SCARB2: variants seen among roughly 807,000 people sequenced by gnomAD.
The protein encoded by SCARB2 is lysosome membrane protein 2.
Under a neutral mutation model 58.6 loss-of-function variants are expected in SCARB2, and 29 were observed. The ratio of observed to expected loss-of-function variants is 0.49; its 90% CI spans 0.37 to 0.67. SCARB2 has a LOEUF of 0.67. Among genes scored for constraint, SCARB2 ranks in the 30% least tolerant of loss-of-function variants. The pLI, the probability that SCARB2 is intolerant of heterozygous loss-of-function variation, is 0.00. For missense variants in SCARB2, 488 were observed against 578.5 expected (o/e 0.84, Z 1.60); for synonymous variants, 195 against 210.1 (o/e 0.93, Z 0.62).
intron 2 of SCARB2, among the ~76,000 whole-genome samples, chr4:76,183,568 C>T (rs1050854161): frequency 3.3e-5 from 5 of 151,962 alleles, no homozygotes; most frequent in Admixed American, 1.3e-4. Flanking sequence ...TCTGCAGGCT[C>T]GCTACTCTCC....
chr4:76,230,370 C>T (rs1578753968), intron 1 of SCARB2, among the ~76,000 whole-genome samples: 2 of 152,234 alleles, frequency 1.3e-5, no homozygotes, highest in East Asian at 1.9e-4. Context: ...TCTGTGCCCT[C>T]CTAACAGTGG....
At chr4:76,176,363 A>G in intron 5 of SCARB2, 74 bp downstream of exon 5, 3 of 995,024 alleles carry the variant, frequency 3.0e-6, no homozygotes, top group African/African-American at 1.6e-5. Context: ...CACATTTTTA[A>G]GCAATGTAGA....
At chr4:76,174,375 C>T in intron 6 of SCARB2, 62 bp from the exon 7 acceptor site, 1 of 1,519,874 alleles carries the variant, frequency 6.6e-7, no homozygotes, top group Non-Finnish European at 9.1e-7. Context: ...TGCCCGAAAT[C>T]CGCAAGTTAG....
Position 76,170,003 on chromosome 4 carries a change from C to G in SCARB2, c.995-18G>C. On this transcript the variant is annotated intron_variant, in intron 7 of 11. Transcript: ENST00000264896. ...GGGTGCACCTGCATTTGAAGGAAAA[C>G]AGAAATGAATGATGCTGTTTTTAAA... 1 of 1,585,226 alleles carries G rather than the reference C, an allele frequency of 6.3e-7. No homozygotes were observed. Among genetic ancestry groups the G allele is most frequent in the East Asian group, 2.2e-5 (1 of 44,608 alleles).
chr4:76,174,211 G>A lies in SCARB2; in HGVS notation c.927C>T (p.Ala309=), dbSNP rs775395230. ...AGTTTCCCTCAGGTATACAGAAGCCGGCATTGTCTGACGTATTGGCTAATA... is the reference window on the plus strand; with the variant it reads ...AGTTTCCCTCAGGTATACAGAAGCCAGCATTGTCTGACGTATTGGCTAATA... ...AEILANTSDN[A]GFCIPEGNCL... The change falls in exon 7 of 12, where the codon GCC becomes GCT. Residue 309 remains alanine (A), a synonymous_variant. Transcript: ENST00000264896. 9.3e-6 allele frequency: 15 copies of A among 1,614,044 alleles called. No homozygotes were observed. The South Asian group carries it at 9.9e-5, about 11-fold the overall frequency.
intron 1 of SCARB2, among the ~76,000 whole-genome samples, chr4:76,230,835 C>G (rs960651369): frequency 6.6e-6 from 1 of 152,290 alleles, no homozygotes; most frequent in South Asian, 2.1e-4. Flanking sequence ...CCTTGAATTC[C>G]CTAGACCTCA....
chr4:76,216,294 A>G (rs1733206354), upstream of SCARB2, among the ~76,000 whole-genome samples: 1 of 152,038 alleles, frequency 6.6e-6, no homozygotes, highest in Non-Finnish European at 1.5e-5. Flanking sequence ...TGTCATCTAT[A>G]TGTCCTCTCC....
At chr4:76,217,509 C>T (rs920870749), upstream of SCARB2, 2 of 416,224 alleles carry the variant, frequency 4.8e-6, no homozygotes, top group Non-Finnish European at 4.3e-6. Context: ...CTGGCACCTC[C>T]TCCTTCTCTC....
chr4:76,201,789 T>A (rs1732833607), intron 1 of SCARB2, among the ~76,000 whole-genome samples: 1 of 152,248 alleles, frequency 6.6e-6, no homozygotes, highest in Non-Finnish European at 1.5e-5. Context: ...TCTAAGTCTG[T>A]TAGATCTGTC....
In SCARB2 at chr4:76,181,015, C is replaced by T. The variant is rs73826386; in HGVS notation, c.362G>A (p.Arg121Gln). ...TTTAGGGTCTCCAACAGATTGGTCTCGTTCAAAAACATAGGCCTTGTTGCT... is the reference window on the plus strand; with the variant it reads ...TTTAGGGTCTCCAACAGATTGGTCTTGTTCAAAAACATAGGCCTTGTTGCT... ...AVSNKAYVFE[R>Q]DQSVGDPKID... The change falls in exon 3 of 12, where the codon CGA becomes CAA. Residue 121 changes from arginine to glutamine, a missense_variant. Coordinates refer to ENST00000264896, the MANE Select transcript of SCARB2 (RefSeq NM_005506.4). 1.1e-3 allele frequency: 1,720 copies of T among 1,613,624 alleles called. 15 individuals are homozygous for T. In the African/African-American group the frequency reaches 0.02, roughly 18 times the overall value.
intron 4 of SCARB2, among the ~76,000 whole-genome samples, chr4:76,178,492 A>G (rs1732307892): frequency 6.6e-6 from 1 of 152,234 alleles, no homozygotes; most frequent in African/African-American, 2.4e-5. Context: ...TGGCTGATGG[A>G]TTGAAGCCAC....
chr4:76,234,122 C>A (rs989510617), intron 1 of SCARB2, among the ~76,000 whole-genome samples: 1 of 152,022 alleles, frequency 6.6e-6, no homozygotes, highest in African/African-American at 2.4e-5. Flanking sequence ...TCAGCCCAGG[C>A]AGGGAGGGGA....
intron 4 of SCARB2, chr4:76,179,251 GC>G: frequency 2.3e-6 from 1 of 441,140 alleles, no homozygotes; most frequent in South Asian, 2.2e-5. Flanking sequence ...ATAGAGTTTT[GC>G]CATGTTGGCC....
At chr4:76,197,848 C>A (rs948005898) in intron 1 of SCARB2, among the ~76,000 whole-genome samples, 1 of 151,890 alleles carries the variant, frequency 6.6e-6, no homozygotes, top group Non-Finnish European at 1.5e-5. Flanking sequence ...GATTTTTACA[C>A]CAGAAATAAA....
At chr4:76,166,370 C>T in intron 9 of SCARB2, 69 bp from the exon 10 acceptor site, 1 of 1,458,552 alleles carries the variant, frequency 6.9e-7, no homozygotes, top group Non-Finnish European at 9.6e-7. Context: ...CCCGGACAGA[C>T]ACATTTATAT....
intron 4 of SCARB2, chr4:76,179,252 C>T: frequency 2.3e-6 from 1 of 443,902 alleles, no homozygotes; most frequent in Non-Finnish European, 4.2e-6. Flanking sequence ...TAGAGTTTTG[C>T]CATGTTGGCC....
intron 1 of SCARB2, among the ~76,000 whole-genome samples, chr4:76,230,051 G>A (rs1435447760): frequency 2.0e-5 from 3 of 152,182 alleles, no homozygotes; most frequent in African/African-American, 7.2e-5. Context: ...GCCAGGATAT[G>A]TATTTGGGTT....
intron 2 of SCARB2, among the ~76,000 whole-genome samples, chr4:76,187,277 A>G (rs377543274): frequency 6.6e-6 from 1 of 152,360 alleles, no homozygotes. Context: ...AAAATTGACA[A>G]GGTAAACAAT....
intron 1 of SCARB2, 58 bp from the exon 2 acceptor site, chr4:76,195,922 C>T: frequency 1.4e-6 from 2 of 1,418,178 alleles, no homozygotes; most frequent in Non-Finnish European, 2.0e-6. Context: ...GGCTTTAAAC[C>T]CAAGAAGCAG....
Sources: gnomAD v4.1 joint callset for allele counts (sites outside exome capture counted in the v4.1 genomes callset) on GRCh38, gnomAD v4.1.1 for gene constraint, MANE v1.5 for transcripts, NCBI Gene and HGNC (gene_info 2026-07-23, HGNC 2026-07-21) for gene names.